RELCH: variants seen among roughly 807,000 people sequenced by gnomAD.
RELCH encodes RAB11 binding and LisH domain, coiled-coil and HEAT repeat containing, also known as RAB11-binding protein RELCH.
Under a neutral mutation model 150.3 loss-of-function variants are expected in RELCH, and 41 were observed. That is an observed-to-expected ratio of 0.27 (90% CI 0.21 to 0.35). The LOEUF is 0.35. Among genes scored for constraint, RELCH ranks in the 10% least tolerant of loss-of-function variants. The probability of loss-of-function intolerance (pLI) is 1.00; values close to 1 mark genes in which losing one functional copy is unlikely to be tolerated. For missense variants in RELCH, 1,092 were observed against 1,467.8 expected (o/e 0.74, Z 4.18); for synonymous variants, 478 against 531.8 (o/e 0.90, Z 1.39).
intron 26 of RELCH, among the ~76,000 whole-genome samples, chr18:62,290,559 C>T (rs951456721): frequency 5.9e-5 from 9 of 152,138 alleles, no homozygotes; most frequent in African/African-American, 2.2e-4. Flanking sequence ...TAAGGGAACT[C>T]ACTTACTGGC....
At chr18:62,304,211 T>G (rs1415412496) in intron 28 of RELCH, among the ~76,000 whole-genome samples, 4 of 152,232 alleles carry the variant, frequency 2.6e-5, no homozygotes, top group Non-Finnish European at 5.9e-5. Flanking sequence ...CGATTCAATT[T>G]GAAACTTGGA....
At chr18:62,198,658 C>T (rs1043140242) in intron 1 of RELCH, among the ~76,000 whole-genome samples, 1 of 152,180 alleles carries the variant, frequency 6.6e-6, no homozygotes, top group Non-Finnish European at 1.5e-5. Flanking sequence ...GCTTTAATCT[C>T]TTCCTCCATC....
At chr18:62,221,633 G>C (rs1156280472) in intron 5 of RELCH, 136 bp downstream of exon 5, 8 of 452,724 alleles carry the variant, frequency 1.8e-5, no homozygotes, top group Non-Finnish European at 2.7e-5. Context: ...TAGAACAGCA[G>C]TCTCTTGCCT....
chr18:62,252,057 G>A (rs1271226323), intron 11 of RELCH, among the ~76,000 whole-genome samples: 2 of 151,744 alleles, frequency 1.3e-5, no homozygotes, highest in South Asian at 2.1e-4. Flanking sequence ...GTGCAGTGGC[G>A]CTATCTAGGC....
At chr18:62,189,720 T>C (rs2148152497) in intron 1 of RELCH, among the ~76,000 whole-genome samples, 1 of 152,336 alleles carries the variant, frequency 6.6e-6, no homozygotes, top group South Asian at 2.1e-4. Flanking sequence ...AAATTCCTCC[T>C]TGCAAACTTT....
intron 1 of RELCH, among the ~76,000 whole-genome samples, chr18:62,199,298 G>A (rs1486821516): frequency 2.6e-5 from 4 of 151,912 alleles, no homozygotes; most frequent in Non-Finnish European, 4.4e-5. Flanking sequence ...ATTATATACA[G>A]ACCTGTGAAT....
At chr18:62,189,258 T>TG (rs1366080599) in intron 1 of RELCH, among the ~76,000 whole-genome samples, 1 of 133,246 alleles carries the variant, frequency 7.5e-6, no homozygotes, top group Non-Finnish European at 1.7e-5. Flanking sequence ...GGTCTTTTTT[T>TG]GTTTTTTTTT....
intron 27 of RELCH, among the ~76,000 whole-genome samples, chr18:62,296,476 C>T (rs1257023292): frequency 6.6e-6 from 1 of 151,976 alleles, no homozygotes; most frequent in African/African-American, 2.4e-5. Flanking sequence ...ATTCCAGCTA[C>T]TTGGGAGGCT....
At chr18:62,252,056 C>T (rs536756789) in intron 11 of RELCH, among the ~76,000 whole-genome samples, 6 of 151,816 alleles carry the variant, frequency 4.0e-5, no homozygotes, top group East Asian at 3.9e-4. Flanking sequence ...GGTGCAGTGG[C>T]GCTATCTAGG....
intron 5 of RELCH, 118 bp from the exon 6 acceptor site, chr18:62,227,171 T>G: frequency 1.4e-6 from 1 of 690,114 alleles, no homozygotes; most frequent in Non-Finnish European, 2.4e-6. Context: ...TACTCCAGCC[T>G]GCATGACACA....
intron 8 of RELCH, among the ~76,000 whole-genome samples, chr18:62,228,991 CCTA>C (rs1230047244): frequency 6.6e-6 from 1 of 151,878 alleles, no homozygotes; most frequent in Non-Finnish European, 1.5e-5. Context: ...AATTTTTGCT[CCTA>C]CTTTTTTTTT....
At chr18:62,249,052 T>C (rs900701542) in intron 11 of RELCH, among the ~76,000 whole-genome samples, 30 of 152,334 alleles carry the variant, frequency 2.0e-4, no homozygotes, top group Admixed American at 7.8e-4. Context: ...TTTCCTATGT[T>C]ATAATTTTTA....
intron 25 of RELCH, among the ~76,000 whole-genome samples, chr18:62,282,953 C>T (rs1229954035): frequency 2.6e-5 from 4 of 152,168 alleles, no homozygotes; most frequent in Non-Finnish European, 5.9e-5. Flanking sequence ...CCACCGCACC[C>T]GCCCTAGTGG....
At chr18:62,265,124 T>C (rs1185999681) in intron 18 of RELCH, among the ~76,000 whole-genome samples, 1 of 152,074 alleles carries the variant, frequency 6.6e-6, no homozygotes, top group Non-Finnish European at 1.5e-5. Context: ...ATTTTCAATA[T>C]AGGAAGTGTC....
At chr18:62,260,071 G>A (rs938141297) in intron 15 of RELCH, among the ~76,000 whole-genome samples, 12 of 151,142 alleles carry the variant, frequency 7.9e-5, no homozygotes, top group East Asian at 3.9e-4. Context: ...AAAAGCTTCC[G>A]CGCAGCAAAG....
chr18:62,290,255 C>G (rs558314974), intron 26 of RELCH, among the ~76,000 whole-genome samples: 1 of 152,080 alleles, frequency 6.6e-6, no homozygotes, highest in Non-Finnish European at 1.5e-5. Context: ...TCTTTATGGC[C>G]GGGCACGGTG....
intron 26 of RELCH, among the ~76,000 whole-genome samples, chr18:62,288,213 T>C (rs1381364578): frequency 1.3e-5 from 2 of 152,154 alleles, no homozygotes; most frequent in East Asian, 3.9e-4. Context: ...GCAGAAGGGT[T>C]GAAGAAAGGG....
In RELCH at chr18:62,221,562, G is replaced by A. The variant is rs1226292773; in HGVS notation, c.858+65G>A. The A allele has an allele frequency of 1.5e-5, 10 of 651,922 alleles. No homozygotes were observed. In the South Asian group the frequency reaches 1.8e-4, roughly 12 times the overall value. The allele number at this position is 651,922 out of a possible 1,614,324, so 40.4% of individuals were successfully genotyped here. ...ACTTATAATTCACTTTTTCTTTTAC[G>A]TAGTTTCTTTTTTTTTTTTTTTAAG... On this transcript the variant is annotated intron_variant, in intron 5 of 28. Coordinates refer to ENST00000644646, the MANE Select transcript of RELCH (RefSeq NM_001346231.2).
chr18:62,231,305 A>G (rs1427389213), intron 9 of RELCH, 36 bp downstream of exon 9: 8 of 1,284,614 alleles, frequency 6.2e-6, no homozygotes, highest in Non-Finnish European at 9.0e-6. Flanking sequence ...ACTTTTTAAA[A>G]ACATTCTACT....
Sources: allele counts gnomAD v4.1 joint callset (sites outside exome capture counted in the v4.1 genomes callset), GRCh38; gene constraint gnomAD v4.1.1; transcripts MANE v1.5; gene names NCBI Gene and HGNC (gene_info 2026-07-23, HGNC 2026-07-21).